The following ASIC2 variants were observed in gnomAD, a reference collection of about 807,000 sequenced individuals.
ASIC2 encodes acid sensing ion channel subunit 2.
A neutral mutation model predicts 57.3 loss-of-function variants in ASIC2; 25 were observed. That is an observed-to-expected ratio of 0.44 (90% CI 0.32 to 0.61). The LOEUF is 0.61. ASIC2 is among the 20% of genes least tolerant of loss of function. The pLI is 0.06. For synonymous variants in ASIC2, 319 were observed against 307.5 expected, an observed-to-expected ratio of 1.04 and a Z score of -0.39; for missense variants, 641 against 738.1, an observed-to-expected ratio of 0.87 and a Z score of 1.52.
Position 33,291,831 on chromosome 17 carries a change from T to C in ASIC2, c.285A>G (p.Thr95=). The change falls in exon 1 of 10, where the codon ACA becomes ACG. Residue 95 remains threonine, a synonymous_variant. Coordinates refer to ENST00000225823, the MANE Select transcript of ASIC2 (RefSeq NM_183377.2). The part of the protein sequence containing the change: ...RRALWVLAFC[T]SFGLLLSWSS... ...ACCAGGACAGCAGCAAGCCGAAGGA[T>C]GTACAGAAGGCCAGCACCCACAGCG... 1.9e-6 allele frequency: 3 copies of C among 1,611,642 alleles called. No homozygotes were observed. The highest frequency in any genetic ancestry group is 2.5e-6 in the Non-Finnish European group (3 of 1,179,676).
chr17:34,120,739 CTT>C (rs869228239), intron 1 of ASIC2, among the ~76,000 whole-genome samples: 3 of 69,982 alleles, frequency 4.3e-5, no homozygotes, highest in Non-Finnish European at 5.7e-5. Flanking sequence ...TTTTTTTTTT[CTT>C]TTTTTTTTTT....
At chr17:33,767,887 T>A (rs1312426937) in intron 1 of ASIC2, among the ~76,000 whole-genome samples, 1 of 152,250 alleles carries the variant, frequency 6.6e-6, no homozygotes, top group Non-Finnish European at 1.5e-5. Flanking sequence ...CATTAACTGC[T>A]GCTTCACTGA....
At chr17:33,253,760 G>T (rs1437948660) in intron 1 of ASIC2, among the ~76,000 whole-genome samples, 2 of 152,080 alleles carry the variant, frequency 1.3e-5, no homozygotes, top group Admixed American at 1.3e-4. Flanking sequence ...TAAAATAAAG[G>T]CCATATGCAA....
intron 1 of ASIC2, among the ~76,000 whole-genome samples, chr17:34,058,939 C>T (rs1340976066): frequency 1.3e-5 from 2 of 152,178 alleles, no homozygotes; most frequent in African/African-American, 4.8e-5. Context: ...GGAACTTGTT[C>T]AAGTTCATAC....
chr17:33,462,795 C>A (rs1344876411), intron 1 of ASIC2, among the ~76,000 whole-genome samples: 2 of 152,216 alleles, frequency 1.3e-5, no homozygotes, highest in Non-Finnish European at 2.9e-5. Context: ...GAACTTTGAG[C>A]CCCAGTGAAT....
chr17:33,909,852 A>G (rs961838618), intron 1 of ASIC2, among the ~76,000 whole-genome samples: 5 of 152,178 alleles, frequency 3.3e-5, no homozygotes, highest in Admixed American at 2.0e-4. Flanking sequence ...AATGATGGAT[A>G]TGTTTCTCTC....
At chr17:33,605,079 G>A (rs1388622309) in intron 1 of ASIC2, among the ~76,000 whole-genome samples, 1 of 152,034 alleles carries the variant, frequency 6.6e-6, no homozygotes, top group Non-Finnish European at 1.5e-5. Flanking sequence ...ATCTCCAGCA[G>A]AAATCCTGAC....
At chr17:33,130,729 A>T (rs1322778887) in intron 1 of ASIC2, among the ~76,000 whole-genome samples, 1 of 152,216 alleles carries the variant, frequency 6.6e-6, no homozygotes, top group Non-Finnish European at 1.5e-5. Flanking sequence ...AGAGACCTGG[A>T]TTCTCCAGAG....
At chr17:33,061,756 C>T (rs1207826263) in intron 3 of ASIC2, among the ~76,000 whole-genome samples, 1 of 152,120 alleles carries the variant, frequency 6.6e-6, no homozygotes, top group African/African-American at 2.4e-5. Context: ...CCTCCTTGTA[C>T]TCTGGTAGAT....
Position 33,849,748 on chromosome 17 carries a change from C to A in ASIC2, c.555+306230G>T, listed in dbSNP as rs548264157. Among the ~76,000 whole-genome samples, 8 of 152,240 alleles carry A rather than the reference C, an allele frequency of 5.3e-5. No homozygotes were observed. The South Asian group carries it at 1.7e-3, about 32-fold the overall frequency. On this transcript the variant is annotated intron_variant, in intron 1 of 9. Transcript: ENST00000359872. ...CACTGTCAAAGCCTGAAGAAGCAAG[C>A]AGGACTCAGGCATGGAAAAACCTTT... is the stretch of plus-strand genomic sequence containing the variant.
chr17:34,035,207 A>G (rs375340918), intron 1 of ASIC2, among the ~76,000 whole-genome samples: 1,673 of 144,458 alleles, frequency 0.012, 42 homozygotes, highest in East Asian at 0.056. Flanking sequence ...ATAATGCTGC[A>G]TATCTACAAC....
At chr17:33,579,791 C>A (rs1484648956) in intron 1 of ASIC2, among the ~76,000 whole-genome samples, 1 of 152,126 alleles carries the variant, frequency 6.6e-6, no homozygotes, top group Non-Finnish European at 1.5e-5. Context: ...CAAACTACCA[C>A]ACCGTGAAAA....
At chr17:33,778,606 C>T (rs1911354055) in intron 1 of ASIC2, among the ~76,000 whole-genome samples, 1 of 152,186 alleles carries the variant, frequency 6.6e-6, no homozygotes, top group South Asian at 2.1e-4. Context: ...TCTCCTCCCT[C>T]AACAGGCGGC....
intron 1 of ASIC2, among the ~76,000 whole-genome samples, chr17:33,919,138 G>C (rs17783749): frequency 0.31 from 46,941 of 151,936 alleles, 7,783 homozygotes; most frequent in Admixed American, 0.39. Flanking sequence ...GAAAGAACAG[G>C]CCATTTCAGA....
intron 1 of ASIC2, among the ~76,000 whole-genome samples, chr17:34,148,971 A>G (rs574221280): frequency 6.6e-6 from 1 of 152,340 alleles, no homozygotes; most frequent in Admixed American, 6.5e-5. Context: ...TCCCAGGCCT[A>G]GTAATACACA....
intron 1 of ASIC2, among the ~76,000 whole-genome samples, chr17:34,091,829 T>A (rs1910342577): frequency 6.6e-6 from 1 of 152,194 alleles, no homozygotes; most frequent in Non-Finnish European, 1.5e-5. Context: ...TGGAATCAGA[T>A]TCATATACAG....
intron 3 of ASIC2, among the ~76,000 whole-genome samples, chr17:33,036,699 T>C (rs1330814280): frequency 6.6e-6 from 1 of 152,214 alleles, no homozygotes; most frequent in East Asian, 1.9e-4. Context: ...TGAGTCATCA[T>C]GCCCAGCCTT....
At chr17:33,455,537 G>A (rs1168807806) in intron 1 of ASIC2, among the ~76,000 whole-genome samples, 15 of 152,168 alleles carry the variant, frequency 9.9e-5, no homozygotes, top group Admixed American at 9.8e-4. Flanking sequence ...TCTTTTTATG[G>A]CTGCATAATA....
Position 33,292,149 on chromosome 17 carries a change from GC to G in ASIC2, c.-35del, listed in dbSNP as rs1431859703. The G allele has an allele frequency of 2.9e-6, 3 of 1,028,634 alleles. No individual in the cohort carries two copies. Among genetic ancestry groups the G allele is most frequent in the Non-Finnish European group, 2.3e-6 (2 of 860,218 alleles). 63.7% of individuals were successfully genotyped at this position (1,028,634 alleles called of 1,614,324 possible). On this transcript the variant is annotated 5_prime_UTR_variant, in exon 1 of 10. An upstream open reading frame in the 5' UTR gains an earlier in-frame stop. Coordinates refer to ENST00000225823, the MANE Select transcript of ASIC2 (RefSeq NM_183377.2). ...CCCGCGGCTGGCGGCAGCGGCGGCG[GC>G]CCCGGCCGGGCGGAGCCGCCATGGG...
Sources: allele counts gnomAD v4.1 joint callset (sites outside exome capture counted in the v4.1 genomes callset), GRCh38; gene constraint gnomAD v4.1.1; transcripts MANE v1.5; gene names NCBI Gene and HGNC (gene_info 2026-07-23, HGNC 2026-07-21).